The following CNRIP1 variants were observed in gnomAD, a reference collection of about 807,000 sequenced individuals.
CNRIP1 encodes the protein cannabinoid receptor interacting protein 1.
Under a neutral mutation model 15.2 loss-of-function variants are expected in CNRIP1, and 10 were observed. The ratio of observed to expected loss-of-function variants is 0.66; its 90% CI spans 0.41 to 1.12. CNRIP1 has a LOEUF of 1.12. Ranked by LOEUF, CNRIP1 falls within the 50% of genes most tolerant of loss-of-function variation. CNRIP1 has a pLI of 0.00. For synonymous variants in CNRIP1, 91 were observed against 83.2 expected (o/e 1.09, Z -0.51); for missense variants, 211 against 214.7 (o/e 0.98, Z 0.11).
chr2:68,291,752 G>A (rs1228302725), downstream of CNRIP1, among the ~76,000 whole-genome samples: 4 of 151,828 alleles, frequency 2.6e-5, no homozygotes, highest in African/African-American at 4.8e-5. Context: ...GGTAGCACAC[G>A]CCCGTAATCC....
intron 1 of CNRIP1, among the ~76,000 whole-genome samples, chr2:68,318,006 A>G (rs1248098915): frequency 1.3e-5 from 2 of 150,722 alleles, no homozygotes; most frequent in Non-Finnish European, 2.9e-5. Context: ...CACTAGAGGA[A>G]TACTCTAAAA....
Position 68,308,225 on chromosome 2 carries a change from C to CA in CNRIP1, c.330+8931dup, listed in dbSNP as rs1013109449. On this transcript the variant is annotated intron_variant, in intron 2 of 2. Coordinates refer to ENST00000263655, the MANE Select transcript of CNRIP1 (RefSeq NM_015463.3). ...AAAAACAAAACAAAACAAAACAAAA[C>CA]AAAAAAAACCCCCGATGTCATTGGG... is the stretch of plus-strand genomic sequence containing the variant. Among the ~76,000 whole-genome samples, 33 of 150,622 alleles carry CA rather than the reference C, an allele frequency of 2.2e-4. No individual in the cohort carries two copies. In the South Asian group the frequency reaches 3.0e-3, roughly 14 times the overall value.
downstream of CNRIP1, among the ~76,000 whole-genome samples, chr2:68,290,993 A>T (rs928971237): frequency 2.4e-4 from 36 of 152,140 alleles, no homozygotes; most frequent in Non-Finnish European, 7.3e-5. Context: ...CTTGTATAAA[A>T]ATAGCCCTTC....
chr2:68,284,776 A>T lies in CNRIP1; in HGVS notation c.331-292T>A, dbSNP rs1184655240. Reference sequence around the variant, plus strand: ...CAGTGAGCTGAGATTGTGCCACTGCACTCCAGCCTGAGTGACAGAGCGAGA... The same window carrying T: ...CAGTGAGCTGAGATTGTGCCACTGCTCTCCAGCCTGAGTGACAGAGCGAGA... On this transcript the variant is annotated intron_variant, in intron 2 of 2. Coordinates refer to the CNRIP1 transcript ENST00000409559. 2.0e-5 allele frequency among the ~76,000 whole-genome samples: 3 copies of T among 146,684 alleles called. No individual in the cohort carries two copies. In the East Asian group the frequency reaches 6.1e-4, roughly 30 times the overall value.
downstream of CNRIP1, chr2:68,292,986 A>G (rs1175027851): frequency 2.0e-6 from 2 of 983,442 alleles, no homozygotes; most frequent in Non-Finnish European, 2.4e-6. Flanking sequence ...ATTATTGCCC[A>G]AATTAAGAAT....
In CNRIP1 at chr2:68,300,298, G is replaced by A. The variant is rs77048416; in HGVS notation, c.331-6272C>T. On this transcript the variant is annotated intron_variant, in intron 2 of 2. Coordinates refer to ENST00000263655, the MANE Select transcript of CNRIP1 (RefSeq NM_015463.3). ...AGTCCTTTCAATTTTAGCCAGTCTGGTGACTATATAGTGATAAGACAAAGA... is the reference window on the plus strand; with the variant it reads ...AGTCCTTTCAATTTTAGCCAGTCTGATGACTATATAGTGATAAGACAAAGA... Among the ~76,000 whole-genome samples the A allele has an allele frequency of 4.6e-5, 7 of 152,222 alleles. No individual in the cohort carries two copies. The East Asian group carries it at 1.2e-3, about 25-fold the overall frequency.
chr2:68,315,106 C>A lies in CNRIP1; in HGVS notation c.330+2051G>T, dbSNP rs1672223112. On this transcript the variant is annotated intron_variant, in intron 2 of 2. Transcript: ENST00000263655. ...AATAAAAATTAAAATATTAAATGAA[C>A]ACTCAAGATGTGATAAAAATGACGA... Among the ~76,000 whole-genome samples, 2 of 151,822 alleles carry A rather than the reference C, an allele frequency of 1.3e-5. 1 individual carries two copies. Among genetic ancestry groups the A allele is most frequent in the South Asian group, 4.1e-4 (2 of 4,824 alleles).
At chr2:68,308,797 AC>A (rs1297922083) in intron 2 of CNRIP1, among the ~76,000 whole-genome samples, 1 of 152,074 alleles carries the variant, frequency 6.6e-6, no homozygotes, top group Non-Finnish European at 1.5e-5. Context: ...TTTTTGCAGA[AC>A]TTTTTTTTTC....
chr2:68,309,012 C>T (rs1167698217), intron 2 of CNRIP1, among the ~76,000 whole-genome samples: 4 of 152,158 alleles, frequency 2.6e-5, no homozygotes, highest in Non-Finnish European at 2.9e-5. Flanking sequence ...CTTTCTAGCT[C>T]TAATTTGTAA....
chr2:68,306,905 A>C (rs73935341), intron 2 of CNRIP1, among the ~76,000 whole-genome samples: 2,469 of 152,318 alleles, frequency 0.016, 76 homozygotes, highest in African/African-American at 0.054. Context: ...CCATTCAAGT[A>C]CCTGTAGAAT....
chr2:68,318,718 G>T (rs1241826664), intron 1 of CNRIP1, among the ~76,000 whole-genome samples: 4 of 152,228 alleles, frequency 2.6e-5, no homozygotes, highest in African/African-American at 9.6e-5. Context: ...GGAGTGGGGA[G>T]CATCCCTCAG....
chr2:68,285,207 T>C (rs1670999591), intron 2 of CNRIP1, among the ~76,000 whole-genome samples: 1 of 151,830 alleles, frequency 6.6e-6, no homozygotes. Context: ...CTGCGCTGTC[T>C]CATTTTCCCC....
chr2:68,292,101 C>G (rs1426145962), downstream of CNRIP1, among the ~76,000 whole-genome samples: 1 of 151,870 alleles, frequency 6.6e-6, no homozygotes, highest in Admixed American at 6.6e-5. Flanking sequence ...GAAGAAAAAC[C>G]TCTGTAGTAA....
downstream of CNRIP1, chr2:68,292,998 C>A: frequency 1.0e-6 from 1 of 984,758 alleles, no homozygotes; most frequent in Non-Finnish European, 1.2e-6. Flanking sequence ...ATTAAGAATG[C>A]AAGTCAGGGC....
intron 2 of CNRIP1, among the ~76,000 whole-genome samples, chr2:68,312,333 A>C (rs2103682392): frequency 6.6e-6 from 1 of 152,322 alleles, no homozygotes; most frequent in South Asian, 2.1e-4. Context: ...AAAGCAAGGT[A>C]ATCTACCATA....
Position 68,319,358 on chromosome 2 carries a change from G to C in CNRIP1, c.43C>G (p.Arg15Gly). ...PGLVRLSIAL[R>G]IQPNDGPVFY... ...ACCGGGCCGTCATTAGGCTGGATGC[G>C]CAGCGCGATGGAGAGGCGCACGAGG... is the stretch of plus-strand genomic sequence containing the variant. Residue 15 changes from arginine (R) to glycine (G), a missense_variant, in exon 1 of 3, where the codon CGC becomes GGC. Coordinates refer to ENST00000263655, the MANE Select transcript of CNRIP1 (RefSeq NM_015463.3). 6.3e-7 allele frequency: 1 copy of C among 1,584,678 alleles called. No individual in the cohort carries two copies. Among genetic ancestry groups the C allele is most frequent in the Non-Finnish European group, 8.6e-7 (1 of 1,166,454 alleles).
At chr2:68,301,598 A>G (rs1473865727) in intron 2 of CNRIP1, among the ~76,000 whole-genome samples, 1 of 152,150 alleles carries the variant, frequency 6.6e-6, no homozygotes, top group Non-Finnish European at 1.5e-5. Context: ...TCCGCTAAAA[A>G]TACTAAGCAA....
intron 2 of CNRIP1, among the ~76,000 whole-genome samples, chr2:68,312,330 G>T (rs1672123814): frequency 1.3e-5 from 2 of 151,654 alleles, no homozygotes; most frequent in Admixed American, 1.3e-4. Context: ...GAAAAAGCAA[G>T]GTAATCTACC....
chr2:68,299,756 G>C (rs567659508), intron 2 of CNRIP1, among the ~76,000 whole-genome samples: 2 of 152,296 alleles, frequency 1.3e-5, no homozygotes, highest in African/African-American at 2.4e-5. Flanking sequence ...ATTCCAAGGA[G>C]AGGAGACTCA....
Sources: allele counts gnomAD v4.1 joint callset (sites outside exome capture counted in the v4.1 genomes callset), GRCh38; gene constraint gnomAD v4.1.1; transcripts MANE v1.5; gene names NCBI Gene and HGNC (gene_info 2026-07-23, HGNC 2026-07-21).